HOXB3: variants seen among roughly 807,000 people sequenced by gnomAD.
The protein encoded by HOXB3 is homeobox B3, also known as homeobox protein Hox-B3.
A neutral mutation model predicts 29.2 loss-of-function variants in HOXB3; 17 were observed. The ratio of observed to expected loss-of-function variants is 0.58; its 90% CI spans 0.40 to 0.87. The LOEUF (loss-of-function observed/expected upper bound fraction) is 0.87. HOXB3 is among the 40% of genes least tolerant of loss of function. The probability of loss-of-function intolerance (pLI) is 0.00; values close to 1 mark genes in which losing one functional copy is unlikely to be tolerated. For synonymous variants in HOXB3, 317 were observed against 285.9 expected, an observed-to-expected ratio of 1.11 and a Z score of -1.10; for missense variants, 637 against 616.3, an observed-to-expected ratio of 1.03 and a Z score of -0.35.
intron 2 of HOXB3, 150 bp downstream of exon 2, chr17:48,573,687 G>C (rs1451552308): frequency 4.9e-6 from 3 of 610,562 alleles, no homozygotes; most frequent in Non-Finnish European, 8.7e-6. Flanking sequence ...TCATAAAAGG[G>C]AGCAAACCTG....
chr17:48,576,682 A>T (rs1407165400), intron 1 of HOXB3: 8 of 264,106 alleles, frequency 3.0e-5, no homozygotes, highest in Non-Finnish European at 3.8e-5. Context: ...CTCACTGCCC[A>T]CCCCCACCCC....
chr17:48,587,500 T>TG (rs977330667), intron 1 of HOXB3, among the ~76,000 whole-genome samples: 7 of 152,096 alleles, frequency 4.6e-5, no homozygotes, highest in South Asian at 4.1e-4. Context: ...GGACTGAGTT[T>TG]GGGGGGGTTG....
chr17:48,579,789 A>G (rs1208476322), intron 1 of HOXB3: 1 of 365,444 alleles, frequency 2.7e-6, no homozygotes, highest in Admixed American at 4.0e-5. Flanking sequence ...CCTCATTCAG[A>G]AAAATACTAC....
chr17:48,574,520 T>C (rs975225970), intron 1 of HOXB3: 1 of 152,106 alleles, frequency 6.6e-6, no homozygotes, highest in African/African-American at 2.4e-5. Flanking sequence ...GTGGGATTGG[T>C]TCTTTTTATT....
rs775491961 is a variant in HOXB3 at position 48,577,012 on chromosome 17, T to C, written c.-424-2998A>G. On this transcript the variant is annotated intron_variant, in intron 1 of 4. Coordinates refer to ENST00000498678, the MANE Select transcript of HOXB3 (RefSeq NM_001384749.1). ...CGCTTGGGCTCCCCGCCGGCGTAAT[T>C]GGGGTTTACTGGACACACACGGAGA... 11 of 1,601,248 alleles carry C rather than the reference T, an allele frequency of 6.9e-6. No homozygotes were observed. The East Asian group carries it at 2.5e-4, about 36-fold the overall frequency.
intron 2 of HOXB3, among the ~76,000 whole-genome samples, chr17:48,570,427 C>A (rs893889603): frequency 2.6e-5 from 4 of 152,212 alleles, no homozygotes; most frequent in Admixed American, 2.0e-4. Context: ...GAAGAAGTCG[C>A]AGCCTTATCT....
intron 1 of HOXB3, chr17:48,576,598 G>T: frequency 1.3e-6 from 1 of 773,888 alleles, no homozygotes; most frequent in East Asian, 2.7e-5. Flanking sequence ...TATAAAGTGT[G>T]GGGGAGGGCA....
Position 48,550,527 on chromosome 17 carries a change from G to T in HOXB3, c.1103C>A (p.Pro368His). 2 of 1,557,640 alleles carry T rather than the reference G, an allele frequency of 1.3e-6. No individual in the cohort carries two copies. The highest frequency in any genetic ancestry group is 1.2e-5 in the South Asian group (1 of 82,858). ...AAGGTGGTTGAGGCCATAGAGGGAG[G>T]GGCCGGCAGGGGGCGGCAGCGGATC... ...YADPLPPPAG[P>H]SLYGLNHLSH... Residue 368 changes from proline (P) to histidine (H), a missense_variant, in exon 5 of 5, where the codon CCC becomes CAC. Physicochemically the swap from Pro to His is moderately conservative, Grantham distance 77 (BLOSUM62 -2). Transcript: ENST00000498678.
rs541693700 is a variant in HOXB3, at chr17:48,558,943, G to A, written c.-246-3325C>T. Among the ~76,000 whole-genome samples, 16 of 150,140 alleles carry A rather than the reference G, an allele frequency of 1.1e-4. No homozygotes were observed. The East Asian group carries it at 3.1e-3, about 29-fold the overall frequency. On this transcript the variant is annotated intron_variant, in intron 2 of 4. Transcript: ENST00000498678. ...GTGTGTAGGGTGTGTGTGTGTGTGA[G>A]AGAGAGAGAGAGAGAAAGGAGGAGA...
At chr17:48,580,636 G>C (rs2069914215) in intron 1 of HOXB3, 2 of 152,184 alleles carry the variant, frequency 1.3e-5, no homozygotes, top group South Asian at 4.1e-4. Flanking sequence ...CCGAATGAAG[G>C]GCAATGAGGA....
intron 2 of HOXB3, among the ~76,000 whole-genome samples, chr17:48,566,715 A>G (rs1167749122): frequency 6.6e-6 from 1 of 152,122 alleles, no homozygotes; most frequent in African/African-American, 2.4e-5. Context: ...CTTCTCTGTC[A>G]TGTCCCTCCT....
In HOXB3 at chr17:48,550,217, C is replaced by G; in HGVS notation, c.*117G>C. On this transcript the variant is annotated 3_prime_UTR_variant, in exon 5 of 5. Transcript: ENST00000498678. ...GAAGGAGCTCCAGGCCGGTTCTGAC[C>G]AGGAAGCCTGGGTACCACCTTCTCT... 1.4e-6 allele frequency: 2 copies of G among 1,416,350 alleles called. No individual in the cohort carries two copies. The highest frequency in any genetic ancestry group is 1.4e-5 in the African/African-American group (1 of 70,164). The allele number at this position is 1,416,350 out of a possible 1,614,324, so 87.7% of individuals were successfully genotyped here.
Position 48,554,793 on chromosome 17 carries a change from G to C in HOXB3, c.-159+738C>G. 1.4e-6 allele frequency: 1 copy of C among 702,386 alleles called. No homozygotes were observed. Among genetic ancestry groups the C allele is most frequent in the Non-Finnish European group, 2.6e-6 (1 of 384,834 alleles). 43.5% of individuals were successfully genotyped at this position (702,386 alleles called of 1,614,324 possible). On this transcript the variant is annotated intron_variant, in intron 3 of 4. Coordinates refer to ENST00000498678, the MANE Select transcript of HOXB3 (RefSeq NM_001384749.1). The surrounding 1 kb of genome is among the most constrained non-coding windows in gnomAD (Gnocchi z 4.1). ...AATTAAAAGGCGCCTTAGAAACTCC[G>C]CTTCGGGACTTTGCTCAGCAGGGCT...
intron 2 of HOXB3, among the ~76,000 whole-genome samples, chr17:48,569,124 T>C (rs1413283820): frequency 6.6e-6 from 1 of 151,526 alleles, no homozygotes; most frequent in Non-Finnish European, 1.5e-5. Flanking sequence ...GAATTGCACG[T>C]CAGAAACAGG....
chr17:48,577,955 C>T (rs761827396), intron 1 of HOXB3: 2 of 1,320,710 alleles, frequency 1.5e-6, no homozygotes, highest in Non-Finnish European at 1.9e-6. Flanking sequence ...GTTCTGGGCG[C>T]AGGGAGGCGG....
chr17:48,577,985 G>T (rs566445434), intron 1 of HOXB3: 19 of 1,292,458 alleles, frequency 1.5e-5, no homozygotes, highest in Admixed American at 3.1e-5. Context: ...GCTGCTGACC[G>T]CCTCGCAGCG....
rs904936613 is a variant in HOXB3, at chr17:48,551,162, G to GCCGCCA, written c.462_467dup (p.Gly163_Gly164dup). On this transcript the variant is annotated inframe_insertion, in exon 5 of 5. Transcript: ENST00000498678. ...TGCCTCCGCCGCCGCCGCCACCGCC[G>GCCGCCA]CCGCCACCACAGCCCTCTGCTGGAT... 2.3e-6 allele frequency: 3 copies of GCCGCCA among 1,291,124 alleles called. No homozygotes were observed. The highest frequency in any genetic ancestry group is 2.9e-6 in the Non-Finnish European group (3 of 1,018,610). The allele number at this position is 1,291,124 out of a possible 1,614,324, so 80.0% of individuals were successfully genotyped here.
chr17:48,579,827 C>T (rs757436814), intron 1 of HOXB3: 1 of 475,150 alleles, frequency 2.1e-6, no homozygotes, highest in Non-Finnish European at 4.2e-6. Context: ...TTTTTTTCTT[C>T]TGGAAAAATA....
intron 2 of HOXB3, among the ~76,000 whole-genome samples, chr17:48,569,148 C>T (rs1473622507): frequency 6.6e-6 from 1 of 151,700 alleles, no homozygotes; most frequent in Non-Finnish European, 1.5e-5. Flanking sequence ...ACCGAGCCTG[C>T]GATTTTCCTG....
Sources: allele counts gnomAD v4.1 joint callset (sites outside exome capture counted in the v4.1 genomes callset), GRCh38; gene constraint gnomAD v4.1.1; non-coding constraint Gnocchi (gnomAD v3.1); transcripts MANE v1.5; gene names NCBI Gene and HGNC (gene_info 2026-07-23, HGNC 2026-07-21).